GRIA1: variants seen among roughly 807,000 people sequenced by gnomAD.
GRIA1 encodes the protein glutamate receptor 1.
In GRIA1, 31 loss-of-function variants were observed where a neutral mutation model predicts 99.2. The ratio of observed to expected loss-of-function variants is 0.31; its 90% CI spans 0.23 to 0.42. The LOEUF (loss-of-function observed/expected upper bound fraction) is 0.42. Among genes scored for constraint, GRIA1 ranks in the 10% least tolerant of loss-of-function variants. The pLI, the probability that GRIA1 is intolerant of heterozygous loss-of-function variation, is 1.00. For missense variants in GRIA1, 782 were observed against 1,157.5 expected (o/e 0.68, Z 4.71); for synonymous variants, 438 against 432.4 (o/e 1.01, Z -0.16).
At chr5:153,489,681 C>T, upstream of GRIA1, 2 of 404,928 alleles carry the variant, frequency 4.9e-6, no homozygotes, top group South Asian at 3.8e-5. Flanking sequence ...CTGAACACAG[C>T]TGATCTCTCT....
intron 11 of GRIA1, among the ~76,000 whole-genome samples, chr5:153,759,791 T>A (rs141792420): frequency 9.3e-4 from 142 of 151,970 alleles, no homozygotes; most frequent in African/African-American, 3.2e-3. Flanking sequence ...GATGCAATAA[T>A]CCTCCACAAA....
At chr5:153,716,127 G>A (rs1759650621) in intron 11 of GRIA1, among the ~76,000 whole-genome samples, 1 of 152,222 alleles carries the variant, frequency 6.6e-6, no homozygotes, top group Non-Finnish European at 1.5e-5. Flanking sequence ...TCTTTCATGT[G>A]TTGTACCTAC....
intron 2 of GRIA1, among the ~76,000 whole-genome samples, chr5:153,512,796 G>T (rs959792051): frequency 6.6e-6 from 1 of 152,178 alleles, no homozygotes; most frequent in South Asian, 2.1e-4. Flanking sequence ...CTGTGGGCTG[G>T]CACTATGGAT....
intron 14 of GRIA1, among the ~76,000 whole-genome samples, chr5:153,798,326 T>C (rs1765778149): frequency 6.6e-6 from 1 of 152,116 alleles, no homozygotes; most frequent in Non-Finnish European, 1.5e-5. Context: ...AAAATACAAG[T>C]TTTGAGAAAG....
chr5:153,560,407 T>A (rs184586728), intron 2 of GRIA1, among the ~76,000 whole-genome samples: 9 of 152,232 alleles, frequency 5.9e-5, no homozygotes, highest in Admixed American at 5.9e-4. Context: ...GCTGATATGG[T>A]GTGGCTATAT....
At chr5:153,489,707 A>T, upstream of GRIA1, 1 of 444,180 alleles carries the variant, frequency 2.3e-6, no homozygotes, top group South Asian at 1.6e-5. Flanking sequence ...TTATTTCAGC[A>T]GAAGCCCTGG....
chr5:153,810,064 C>A (rs902951846), intron 15 of GRIA1, among the ~76,000 whole-genome samples: 1 of 152,272 alleles, frequency 6.6e-6, no homozygotes, highest in Non-Finnish European at 1.5e-5. Context: ...TCCAAAGGAA[C>A]GCTCAACAGA....
At chr5:153,492,297 A>G in intron 1 of GRIA1, 2 of 1,535,252 alleles carry the variant, frequency 1.3e-6, no homozygotes, top group Non-Finnish European at 8.7e-7. Flanking sequence ...CTGTTAAGCT[A>G]CATCCTGAAG....
At chr5:153,694,769 A>G (rs1181576402) in intron 8 of GRIA1, among the ~76,000 whole-genome samples, 2 of 152,206 alleles carry the variant, frequency 1.3e-5, no homozygotes, top group Admixed American at 1.3e-4. Flanking sequence ...AATACATCTT[A>G]ATACTCAGTG....
intron 6 of GRIA1, among the ~76,000 whole-genome samples, chr5:153,675,381 G>T (rs10036436): frequency 0.14 from 21,990 of 152,236 alleles, 1,692 homozygotes; most frequent in South Asian, 0.2. Flanking sequence ...TCAGTAATCA[G>T]GCAGACTCTC....
chr5:153,512,725 C>T (rs1252405804), intron 2 of GRIA1, among the ~76,000 whole-genome samples: 2 of 152,218 alleles, frequency 1.3e-5, no homozygotes, highest in Admixed American at 6.5e-5. Flanking sequence ...TGCGTTTAAA[C>T]TTGTTCTCTC....
At chr5:153,758,329 G>C (rs1762957293) in intron 11 of GRIA1, among the ~76,000 whole-genome samples, 1 of 151,620 alleles carries the variant, frequency 6.6e-6, no homozygotes, top group Non-Finnish European at 1.5e-5. Context: ...ACCTATAAGA[G>C]AACACATAGT....
chr5:153,642,881 G>T (rs1022299164), intron 2 of GRIA1, among the ~76,000 whole-genome samples: 1 of 152,032 alleles, frequency 6.6e-6, no homozygotes, highest in Non-Finnish European at 1.5e-5. Flanking sequence ...TCTCTACTGG[G>T]TAACTTATTC....
chr5:153,697,983 G>C (rs1355931434), intron 8 of GRIA1, 61 bp from the exon 9 acceptor site: 1 of 853,408 alleles, frequency 1.2e-6, no homozygotes, highest in African/African-American at 1.6e-5. Context: ...GGGTGACCCA[G>C]AGCAGGCCAG....
At chr5:153,516,828 G>A (rs1391218379) in intron 2 of GRIA1, among the ~76,000 whole-genome samples, 1 of 152,040 alleles carries the variant, frequency 6.6e-6, no homozygotes, top group African/African-American at 2.4e-5. Flanking sequence ...CCAACTGAGG[G>A]AAGGAAAAGA....
chr5:153,630,834 T>G (rs1176498068), intron 2 of GRIA1, among the ~76,000 whole-genome samples: 4 of 152,194 alleles, frequency 2.6e-5, no homozygotes, highest in African/African-American at 9.6e-5. Context: ...TGGTGGTGGT[T>G]GCTTGGTGTA....
chr5:153,774,065 AC>A lies in GRIA1; in HGVS notation c.2270+3657del, dbSNP rs1200579843. Reference sequence around the variant, plus strand: ...GTAACCACGCCTCTCCTACACCCCAACCCCCCCTCCCCCCACACACACACAC... The same window carrying A: ...GTAACCACGCCTCTCCTACACCCCAACCCCCCTCCCCCCACACACACACAC... On this transcript the variant is annotated intron_variant, in intron 13 of 15. Transcript: ENST00000285900. Among the ~76,000 whole-genome samples, 49 of 54,926 alleles carry A rather than the reference AC, an allele frequency of 8.9e-4. 2 individuals are homozygous for A. Among genetic ancestry groups the A allele is most frequent in the Admixed American group, 2.3e-3 (11 of 4,758 alleles). 36.0% of individuals were successfully genotyped at this position (54,926 alleles called of 152,430 possible).
intron 5 of GRIA1, 34 bp downstream of exon 5, chr5:153,655,906 C>T (rs1436888488): frequency 6.2e-7 from 1 of 1,601,438 alleles, no homozygotes; most frequent in East Asian, 2.2e-5. Context: ...CAGCTCAAGT[C>T]CTTTCCAGGT....
At chr5:153,791,296 A>C (rs1313390886) in intron 13 of GRIA1, among the ~76,000 whole-genome samples, 1 of 151,912 alleles carries the variant, frequency 6.6e-6, no homozygotes, top group Non-Finnish European at 1.5e-5. Context: ...AATTAATAGA[A>C]AAGAAAAGAA....
Sources: gnomAD v4.1 joint callset for allele counts (sites outside exome capture counted in the v4.1 genomes callset) on GRCh38, gnomAD v4.1.1 for gene constraint, MANE v1.5 for transcripts, NCBI Gene and HGNC (gene_info 2026-07-23, HGNC 2026-07-21) for gene names.